Variants in CLVS1 observed in about 807,000 individuals in gnomAD.
The protein encoded by CLVS1 is clavesin 1.
A neutral mutation model predicts 33.1 loss-of-function variants in CLVS1; 10 were observed. That is an observed-to-expected ratio of 0.30 (90% CI 0.19 to 0.51). CLVS1 has a LOEUF of 0.51. CLVS1 is among the 20% of genes least tolerant of loss of function. CLVS1 has a pLI of 0.97. For missense variants in CLVS1, 343 were observed against 433.4 expected (o/e 0.79, Z 1.85); for synonymous variants, 163 against 166.1 (o/e 0.98, Z 0.14).
intron 3 of CLVS1, among the ~76,000 whole-genome samples, chr8:61,379,871 C>T (rs558713972): frequency 9.2e-5 from 14 of 152,212 alleles, no homozygotes; most frequent in South Asian, 2.1e-4. Flanking sequence ...ATGCACACAG[C>T]GCTCAGTCAC....
Position 61,454,224 on chromosome 8 carries a change from A to C in CLVS1, c.714A>C (p.Pro238=). The C allele has an allele frequency of 6.2e-7, 1 of 1,613,902 alleles. No individual in the cohort carries two copies. Among genetic ancestry groups the C allele is most frequent in the Non-Finnish European group, 8.5e-7 (1 of 1,179,802 alleles). Residue 238 remains proline, a synonymous_variant, in exon 4 of 6, where the codon CCA becomes CCC. Transcript: ENST00000325897. ...ATGCCCTCTACACACTCATCAAGCC[A>C]TTTCTTAAAGACAAGACCAGGAAAC... ...YIHALYTLIK[P]FLKDKTRKRI...
intron 1 of CLVS1, among the ~76,000 whole-genome samples, chr8:61,103,865 T>G (rs982300748): frequency 1.3e-5 from 2 of 152,222 alleles, no homozygotes; most frequent in Admixed American, 1.3e-4. Context: ...AGGGGTCTAT[T>G]CTTGCCTGGA....
chr8:61,480,520 C>T (rs779428253), intron 5 of CLVS1, among the ~76,000 whole-genome samples: 1 of 152,188 alleles, frequency 6.6e-6, no homozygotes, highest in Non-Finnish European at 1.5e-5. Flanking sequence ...TCCTTGACCC[C>T]TTGCACTTCC....
At chr8:61,060,071 A>G (rs1029264881) in intron 1 of CLVS1, among the ~76,000 whole-genome samples, 40 of 152,016 alleles carry the variant, frequency 2.6e-4, no homozygotes, top group Non-Finnish European at 4.0e-4. Flanking sequence ...AGGATCACTC[A>G]CCTTTGGGCT....
chr8:61,113,912 G>T (rs1007781472), intron 1 of CLVS1, among the ~76,000 whole-genome samples: 1 of 152,216 alleles, frequency 6.6e-6, no homozygotes, highest in East Asian at 1.9e-4. Flanking sequence ...GGGATTGCAG[G>T]CTGAGCCACT....
At chr8:61,347,546 T>A (rs1263659193) in intron 2 of CLVS1, among the ~76,000 whole-genome samples, 2 of 149,556 alleles carry the variant, frequency 1.3e-5, no homozygotes, top group African/African-American at 4.9e-5. Context: ...AAATTCAAGA[T>A]TATCTGTTAT....
chr8:60,998,002 C>T, the CLVS1 span, among the ~76,000 whole-genome samples: 1 of 151,826 alleles, frequency 6.6e-6, no homozygotes, highest in South Asian at 2.1e-4. Context: ...AGGTTGGGAA[C>T]AGGTTGGAAG....
intron 1 of CLVS1, among the ~76,000 whole-genome samples, chr8:61,126,847 A>T (rs1805982230): frequency 6.6e-6 from 1 of 152,196 alleles, no homozygotes; most frequent in African/African-American, 2.4e-5. Flanking sequence ...TTGCTGACAA[A>T]TCTTGGATTG....
chr8:61,215,888 C>T (rs1353970318), intron 2 of CLVS1, among the ~76,000 whole-genome samples: 5 of 152,108 alleles, frequency 3.3e-5, no homozygotes, highest in Non-Finnish European at 7.4e-5. Flanking sequence ...CATCTCCTAC[C>T]GCCCCTGGGT....
Position 61,196,555 on chromosome 8 carries a change from G to T in CLVS1, c.-152+64695G>T, listed in dbSNP as rs560221397. Among the ~76,000 whole-genome samples, 39 of 152,314 alleles carry T rather than the reference G, an allele frequency of 2.6e-4. 1 individual carries two copies. The highest frequency in any genetic ancestry group is 9.1e-4 in the African/African-American group (38 of 41,580). ...GTTGGCTTAGGCACAGTTGAACTTG[G>T]TGTCTTGAAGGATATTGTCAGGGTT... On this transcript the variant is annotated intron_variant, in intron 2 of 2. Transcript: ENST00000522621.
intron 5 of CLVS1, among the ~76,000 whole-genome samples, chr8:61,472,066 G>A (rs376846697): frequency 4.5e-4 from 69 of 152,098 alleles, no homozygotes; most frequent in African/African-American, 1.5e-3. Context: ...CATTCATTGG[G>A]TGCAGTTTAT....
intron 2 of CLVS1, among the ~76,000 whole-genome samples, chr8:61,135,116 A>G (rs1415263145): frequency 2.0e-5 from 3 of 151,860 alleles, no homozygotes; most frequent in African/African-American, 4.8e-5. Context: ...CAAGGAAAGT[A>G]TCTGATCTAG....
intron 2 of CLVS1, among the ~76,000 whole-genome samples, chr8:61,183,614 G>A (rs899946209): frequency 1.3e-5 from 2 of 152,124 alleles, no homozygotes; most frequent in African/African-American, 4.8e-5. Flanking sequence ...AAGGTTGGCA[G>A]ATCCCACAGA....
chr8:61,342,227 G>T (rs1280878924), intron 2 of CLVS1, among the ~76,000 whole-genome samples: 4 of 152,162 alleles, frequency 2.6e-5, no homozygotes, highest in African/African-American at 9.7e-5. Flanking sequence ...TAGAGGATGA[G>T]AAACATCTCC....
intron 3 of CLVS1, among the ~76,000 whole-genome samples, chr8:61,419,053 A>G (rs1156782958): frequency 1.3e-5 from 2 of 152,214 alleles, no homozygotes; most frequent in Admixed American, 1.3e-4. Context: ...TAATGAATAA[A>G]TCAGTGAGCT....
chr8:60,991,448 C>T, the CLVS1 span, among the ~76,000 whole-genome samples: 2 of 152,172 alleles, frequency 1.3e-5, no homozygotes, highest in Non-Finnish European at 2.9e-5. Context: ...GTTGCATATT[C>T]ACAAATTTAA....
the CLVS1 span, among the ~76,000 whole-genome samples, chr8:61,037,276 C>A: frequency 1.3e-5 from 2 of 152,152 alleles, no homozygotes; most frequent in East Asian, 3.9e-4. Flanking sequence ...CATTAAACAA[C>A]AACTCCTCAC....
chr8:61,305,735 T>C (rs986312060), intron 2 of CLVS1, among the ~76,000 whole-genome samples: 1 of 152,124 alleles, frequency 6.6e-6, no homozygotes, highest in Non-Finnish European at 1.5e-5. Context: ...AAGGCCCCAG[T>C]GTTTATTGTT....
At chr8:61,057,489 A>G (rs949702874) in intron 1 of CLVS1, among the ~76,000 whole-genome samples, 12 of 152,132 alleles carry the variant, frequency 7.9e-5, no homozygotes, top group African/African-American at 2.7e-4. Flanking sequence ...GCCTGAGTAC[A>G]TGTTGGAGGA....
Sources: gnomAD v4.1 joint callset for allele counts (sites outside exome capture counted in the v4.1 genomes callset) on GRCh38, gnomAD v4.1.1 for gene constraint, MANE v1.5 for transcripts, NCBI Gene and HGNC (gene_info 2026-07-23, HGNC 2026-07-21) for gene names.